VIPR2: variants seen among roughly 807,000 people sequenced by gnomAD.
VIPR2 encodes the protein vasoactive intestinal polypeptide receptor 2.
VIPR2 carries 48 observed loss-of-function variants against 58.0 expected under a neutral mutation model. The observed-to-expected ratio is 0.83, with a 90% confidence interval of 0.66 to 1.05. VIPR2 has a LOEUF of 1.05. Among genes scored for constraint, VIPR2 ranks in the 50% least tolerant of loss-of-function variants. VIPR2 has a pLI of 0.00. For synonymous variants in VIPR2, 243 were observed against 235.2 expected (o/e 1.03, Z -0.30); for missense variants, 534 against 558.0 (o/e 0.96, Z 0.43).
intron 5 of VIPR2, among the ~76,000 whole-genome samples, chr7:159,054,419 C>G (rs1280616085): frequency 6.6e-6 from 1 of 152,086 alleles, no homozygotes; most frequent in Non-Finnish European, 1.5e-5. Flanking sequence ...GAGCTGGAGA[C>G]AAAATCCGTA....
intron 4 of VIPR2, among the ~76,000 whole-genome samples, chr7:159,102,655 C>G (rs1858371529): frequency 6.6e-6 from 1 of 152,220 alleles, no homozygotes; most frequent in Non-Finnish European, 1.5e-5. Context: ...TCCCAAGAGG[C>G]AGCCAGGCAG....
chr7:159,082,924 ATCCT>A (rs538825201), intron 4 of VIPR2, among the ~76,000 whole-genome samples: 169 of 152,362 alleles, frequency 1.1e-3, no homozygotes, highest in Middle Eastern at 6.8e-3. Flanking sequence ...CAATGATTAG[ATCCT>A]TCCTAATTAC....
intron 5 of VIPR2, among the ~76,000 whole-genome samples, chr7:159,048,701 C>T (rs1266598976): frequency 1.3e-5 from 2 of 152,202 alleles, no homozygotes; most frequent in Non-Finnish European, 2.9e-5. Context: ...AATGAGGCTA[C>T]TAGAATGCTT....
At chr7:159,064,317 G>C (rs772078203) in intron 4 of VIPR2, among the ~76,000 whole-genome samples, 2 of 152,054 alleles carry the variant, frequency 1.3e-5, no homozygotes, top group Admixed American at 6.5e-5. Context: ...CCGTGGGCTC[G>C]AGCGGGTCCA....
At chr7:159,068,158 A>G (rs1005041222) in intron 4 of VIPR2, among the ~76,000 whole-genome samples, 5 of 152,330 alleles carry the variant, frequency 3.3e-5, no homozygotes, top group Middle Eastern at 6.8e-3. Context: ...GAGTATTACT[A>G]ACCCTGCCCC....
At chr7:159,085,870 G>A (rs183106744) in intron 4 of VIPR2, among the ~76,000 whole-genome samples, 100 of 152,274 alleles carry the variant, frequency 6.6e-4, no homozygotes, top group African/African-American at 2.2e-3. Context: ...ACGAAGAGGC[G>A]GAGCACAGGG....
chr7:159,101,430 G>A (rs1189813628), intron 4 of VIPR2, among the ~76,000 whole-genome samples: 2 of 138,772 alleles, frequency 1.4e-5, no homozygotes, highest in African/African-American at 5.7e-5. Flanking sequence ...GAGATCCGAC[G>A]AGGCGGTTCC....
In VIPR2 at chr7:159,096,979, G is replaced by C. The variant is rs1481325662; in HGVS notation, c.357+6778C>G. On this transcript the variant is annotated intron_variant, in intron 4 of 12. Coordinates refer to ENST00000262178, the MANE Select transcript of VIPR2 (RefSeq NM_003382.5). This position sits in a 1 kb window ranked among gnomAD's most constrained non-coding sequence, Gnocchi z 5.5. ...CACCTGCTGGGCCTGAGGACCATGA[G>C]GGGAGGCTTCCTTCAGAAAAGCTGC... 2.6e-5 allele frequency: 41 copies of C among 1,550,514 alleles called. No individual in the cohort carries two copies. Among genetic ancestry groups the C allele is most frequent in the Non-Finnish European group, 3.5e-5 (40 of 1,147,006 alleles).
At chr7:159,129,026 T>C (rs1159075159) in intron 2 of VIPR2, among the ~76,000 whole-genome samples, 10 of 152,234 alleles carry the variant, frequency 6.6e-5, no homozygotes, top group Admixed American at 6.5e-4. Flanking sequence ...GGAGACGTGG[T>C]CTTGGGGGCA....
rs3793228 is a variant in VIPR2 at position 159,098,815 on chromosome 7, A to G, written c.357+4942T>C. On this transcript the variant is annotated intron_variant, in intron 4 of 12. Transcript: ENST00000262178. This position sits in a 1 kb window ranked among gnomAD's most constrained non-coding sequence, Gnocchi z 5.2. ...TGATTGCACACACAACACCCAGGGC[A>G]GACTTTGGCCCTGTGCAAGCAGGAA... is the stretch of plus-strand genomic sequence containing the variant. 0.31 allele frequency among the ~76,000 whole-genome samples: 47,086 copies of G among 152,194 alleles called. 8,313 individuals are homozygous for G. Among genetic ancestry groups the G allele is most frequent in the African/African-American group, 0.49 (20,270 of 41,512 alleles).
chr7:159,096,911 T>C lies in VIPR2; in HGVS notation c.357+6846A>G. The stretch of plus-strand genomic sequence containing the variant: ...GGCCGCCTTGCTGTCCCCGTTCCCA[T>C]CACTCGATGAGCCAATGCCCTCGTG... On this transcript the variant is annotated intron_variant, in intron 4 of 12. Coordinates refer to ENST00000262178, the MANE Select transcript of VIPR2 (RefSeq NM_003382.5). This position sits in a 1 kb window ranked among gnomAD's most constrained non-coding sequence, Gnocchi z 5.5. The C allele has an allele frequency of 1.3e-6, 2 of 1,550,742 alleles. No individual in the cohort carries two copies. Among genetic ancestry groups the C allele is most frequent in the Non-Finnish European group, 1.7e-6 (2 of 1,147,078 alleles).
chr7:159,130,300 G>A (rs527854371), intron 2 of VIPR2, among the ~76,000 whole-genome samples: 49 of 152,226 alleles, frequency 3.2e-4, no homozygotes, highest in African/African-American at 1.1e-3. Context: ...AGAGACCACC[G>A]GGCTAGGGAG....
intron 4 of VIPR2, among the ~76,000 whole-genome samples, chr7:159,102,899 T>A (rs1463234830): frequency 6.6e-6 from 1 of 152,200 alleles, no homozygotes; most frequent in Admixed American, 6.5e-5. Flanking sequence ...GGGAGCACAC[T>A]CTGCACACAC....
At chr7:159,087,228 T>G (rs1430139082) in intron 4 of VIPR2, among the ~76,000 whole-genome samples, 2 of 144,672 alleles carry the variant, frequency 1.4e-5, no homozygotes, top group African/African-American at 5.2e-5. Flanking sequence ...AGGACTCGGA[T>G]AGTGAGATAC....
chr7:159,084,120 G>A (rs1481440328), intron 4 of VIPR2, among the ~76,000 whole-genome samples: 4 of 152,258 alleles, frequency 2.6e-5, no homozygotes, highest in African/African-American at 9.6e-5. Flanking sequence ...GGGTGCTGTG[G>A]GGTGCAGAAA....
rs1162052731 is a variant in VIPR2 at position 159,099,013 on chromosome 7, T to G, written c.357+4744A>C. Among the ~76,000 whole-genome samples the G allele has an allele frequency of 2.6e-5, 4 of 152,244 alleles. No individual in the cohort carries two copies. Among genetic ancestry groups the G allele is most frequent in the Non-Finnish European group, 5.9e-5 (4 of 68,046 alleles). ...CCCCGTGGCTGCCTGGGGCCTGTTC[T>G]GGTGCTTGCAGCCTCCAGAGCCGCC... is the stretch of plus-strand genomic sequence containing the variant. On this transcript the variant is annotated intron_variant, in intron 4 of 12. Transcript: ENST00000262178. This position sits in a 1 kb window ranked among gnomAD's most constrained non-coding sequence, Gnocchi z 4.2.
At position 159,095,314 on chromosome 7, in the gene VIPR2, G is replaced by A. The variant is rs926142260; in HGVS notation, c.357+8443C>T. On this transcript the variant is annotated intron_variant, in intron 4 of 12. Coordinates refer to ENST00000262178, the MANE Select transcript of VIPR2 (RefSeq NM_003382.5). The surrounding 1 kb of genome is among the most constrained non-coding windows in gnomAD (Gnocchi z 5.2). ...ACATTTAAGGGGTGAAAAGGCGTGT[G>A]TGCAAGTGACTGTGTGCTGCACACA... Among the ~76,000 whole-genome samples, 3 of 152,224 alleles carry A rather than the reference G, an allele frequency of 2.0e-5. No individual in the cohort carries two copies. The South Asian group carries it at 6.2e-4, about 32-fold the overall frequency.
At chr7:159,075,581 T>G (rs953574407) in intron 4 of VIPR2, among the ~76,000 whole-genome samples, 7 of 151,376 alleles carry the variant, frequency 4.6e-5, no homozygotes, top group South Asian at 2.1e-4. Flanking sequence ...ACGGACCCAC[T>G]GCATCAGGGA....
chr7:159,030,765 AT>A lies in VIPR2; in HGVS notation c.1167del (p.Lys389AsnfsTer71), dbSNP rs1585316466. 2 of 1,593,962 alleles carry A rather than the reference AT, an allele frequency of 1.3e-6. No homozygotes were observed. The highest frequency in any genetic ancestry group is 1.7e-6 in the Non-Finnish European group (2 of 1,171,458). On this transcript the variant is annotated frameshift_variant, in exon 13 of 13. Coordinates refer to ENST00000262178, the MANE Select transcript of VIPR2 (RefSeq NM_003382.5). LOFTEE classifies it low-confidence loss of function (END_TRUNC). ...NSEVQCELKRKWRSRCPTPSA... is the reference protein window; with the variant it reads ...NSEVQCELKRXWRSRCPTPSA... ...GACGGGGTCGGGCACCGGCTTCGCCATTTTCGCTTCAGCTCGCACTGCACCT... is the reference window on the plus strand; with the variant it reads ...GACGGGGTCGGGCACCGGCTTCGCCATTTCGCTTCAGCTCGCACTGCACCT...
Sources: gnomAD v4.1 joint callset for allele counts (sites outside exome capture counted in the v4.1 genomes callset) on GRCh38, gnomAD v4.1.1 for gene constraint, Gnocchi (gnomAD v3.1) non-coding constraint, MANE v1.5 for transcripts, NCBI Gene and HGNC (gene_info 2026-07-23, HGNC 2026-07-21) for gene names.